Variants in CACNB2 observed in about 807,000 individuals in gnomAD.
The protein encoded by CACNB2 is voltage-dependent L-type calcium channel subunit beta-2.
Under a neutral mutation model 73.3 loss-of-function variants are expected in CACNB2, and 42 were observed. That is an observed-to-expected ratio of 0.57 (90% CI 0.45 to 0.74). The LOEUF (loss-of-function observed/expected upper bound fraction) is 0.74, where lower values mean the gene tolerates loss of function less well. CACNB2 is among the 30% of genes least tolerant of loss of function. The pLI is 0.00. For synonymous variants in CACNB2, 348 were observed against 310.3 expected, an observed-to-expected ratio of 1.12 and a Z score of -1.28; for missense variants, 940 against 853.0, an observed-to-expected ratio of 1.10 and a Z score of -1.27.
At chr10:18,172,711 T>G (rs2033328045) in intron 2 of CACNB2, among the ~76,000 whole-genome samples, 1 of 152,092 alleles carries the variant, frequency 6.6e-6, no homozygotes, top group African/African-American at 2.4e-5. Flanking sequence ...TTACTTTATT[T>G]TCAGTGGATG....
chr10:18,378,715 C>T (rs1255722167), intron 2 of CACNB2, among the ~76,000 whole-genome samples: 3 of 152,136 alleles, frequency 2.0e-5, no homozygotes, highest in Admixed American at 6.6e-5. Context: ...GGCACCACTG[C>T]ACTCCAGTCT....
intron 2 of CACNB2, chr10:18,234,290 G>A (rs889561121): frequency 6.6e-6 from 1 of 152,188 alleles, no homozygotes; most frequent in African/African-American, 2.4e-5. Context: ...AGCAGTTTTG[G>A]TAGGAATGGA....
At chr10:18,283,721 T>C (rs931716665) in intron 2 of CACNB2, among the ~76,000 whole-genome samples, 1 of 151,188 alleles carries the variant, frequency 6.6e-6, no homozygotes, top group African/African-American at 2.4e-5. Context: ...CTAATGTAAA[T>C]GACGAGTTAA....
chr10:18,437,814 C>G lies in CACNB2; in HGVS notation c.333+35771C>G, dbSNP rs572517036. ...ATTTGGGCATATATAGCAGTTGCCT[C>G]AAAACTTCGAAGTCATAGAAAATTA... On this transcript the variant is annotated intron_variant, in intron 3 of 13. Transcript: ENST00000324631. 2.0e-5 allele frequency among the ~76,000 whole-genome samples: 3 copies of G among 152,088 alleles called. No individual in the cohort carries two copies. In the South Asian group the frequency reaches 6.2e-4, roughly 32 times the overall value.
At chr10:18,372,633 C>A (rs1480549443) in intron 2 of CACNB2, among the ~76,000 whole-genome samples, 1 of 152,214 alleles carries the variant, frequency 6.6e-6, no homozygotes, top group Non-Finnish European at 1.5e-5. Context: ...CCTTGAACTT[C>A]TGACCTCAGG....
At chr10:18,537,105 G>A (rs953199984) in intron 12 of CACNB2, among the ~76,000 whole-genome samples, 13 of 151,792 alleles carry the variant, frequency 8.6e-5, no homozygotes, top group Admixed American at 7.2e-4. Context: ...CTCCCACCTC[G>A]GCCCTCCAAG....
intron 2 of CACNB2, among the ~76,000 whole-genome samples, chr10:18,287,361 G>A (rs1249086943): frequency 6.6e-6 from 1 of 151,992 alleles, no homozygotes; most frequent in African/African-American, 2.4e-5. Flanking sequence ...TATAAATTCT[G>A]ACATTTTTCC....
chr10:18,344,122 A>G (rs1312910532), intron 2 of CACNB2, among the ~76,000 whole-genome samples: 1 of 151,750 alleles, frequency 6.6e-6, no homozygotes, highest in Non-Finnish European at 1.5e-5. Flanking sequence ...GTATGTTATA[A>G]GACAAATAAT....
chr10:18,485,229 T>C (rs1039932827), intron 3 of CACNB2, among the ~76,000 whole-genome samples: 1 of 152,228 alleles, frequency 6.6e-6, no homozygotes, highest in Non-Finnish European at 1.5e-5. Flanking sequence ...GTTTCCTTCC[T>C]TAATGGAAGG....
At position 18,541,059 on chromosome 10, in the gene CACNB2, C is replaced by T. The variant is rs2054044839; in HGVS notation, c.*1335C>T. On this transcript the variant is annotated 3_prime_UTR_variant, in exon 14 of 14. Coordinates refer to ENST00000324631, the MANE Select transcript of CACNB2 (RefSeq NM_201596.3). ...TATTTGTTTTAGTAAGAAATGTTTA[C>T]ACAGCTTGTGGAATTATTTCGTGGG... 8.1e-6 allele frequency: 1 copy of T among 123,548 alleles called. No individual in the cohort carries two copies. The highest frequency in any genetic ancestry group is 2.9e-5 in the African/African-American group (1 of 34,122). The allele number at this position is 123,548 out of a possible 1,614,324, so 7.7% of individuals were successfully genotyped here.
At chr10:18,217,191 A>C (rs913996392) in intron 2 of CACNB2, among the ~76,000 whole-genome samples, 1 of 152,140 alleles carries the variant, frequency 6.6e-6, no homozygotes, top group Non-Finnish European at 1.5e-5. Flanking sequence ...AACAAATACT[A>C]TAAATAAGTC....
intron 2 of CACNB2, among the ~76,000 whole-genome samples, chr10:18,333,489 G>C (rs375807951): frequency 6.7e-6 from 1 of 149,832 alleles, no homozygotes; most frequent in African/African-American, 2.4e-5. Flanking sequence ...TATGTTGAAA[G>C]AAAATTCTAT....
intron 10 of CACNB2, among the ~76,000 whole-genome samples, chr10:18,532,159 T>C (rs1165159227): frequency 1.3e-5 from 2 of 152,208 alleles, no homozygotes; most frequent in Non-Finnish European, 2.9e-5. Flanking sequence ...ATTCTTAAGG[T>C]TGTATCTACT....
intron 2 of CACNB2, among the ~76,000 whole-genome samples, chr10:18,392,598 C>G (rs990473936): frequency 6.6e-6 from 1 of 152,090 alleles, no homozygotes; most frequent in African/African-American, 2.4e-5. Flanking sequence ...AAAATGGAGT[C>G]AAGGAAAGGT....
chr10:18,508,769 C>A (rs2050618433), intron 6 of CACNB2, among the ~76,000 whole-genome samples: 1 of 152,120 alleles, frequency 6.6e-6, no homozygotes, highest in Non-Finnish European at 1.5e-5. Context: ...GTCAAACCAT[C>A]GTAAAGTTCA....
intron 2 of CACNB2, chr10:18,401,208 A>G: frequency 7.6e-7 from 1 of 1,319,454 alleles, no homozygotes; most frequent in Non-Finnish European, 1.1e-6. Context: ...TAATCGGATC[A>G]TGATTGCAGG....
chr10:18,312,821 A>T (rs547893805), intron 2 of CACNB2, among the ~76,000 whole-genome samples: 2 of 152,314 alleles, frequency 1.3e-5, no homozygotes, highest in South Asian at 4.1e-4. Flanking sequence ...GGGCGGGGGC[A>T]TTCAAATGGC....
intron 3 of CACNB2, among the ~76,000 whole-genome samples, chr10:18,416,565 C>T (rs1348597999): frequency 4.6e-5 from 7 of 152,272 alleles, no homozygotes; most frequent in Middle Eastern, 3.4e-3. Flanking sequence ...TACAGGTGTG[C>T]GCCATCATGG....
intron 2 of CACNB2, among the ~76,000 whole-genome samples, chr10:18,326,815 C>T (rs1489329351): frequency 2.6e-5 from 4 of 152,158 alleles, no homozygotes; most frequent in Admixed American, 6.5e-5. Context: ...CAGACTTGAC[C>T]TTCTGGGCTC....
Sources: allele counts gnomAD v4.1 joint callset (sites outside exome capture counted in the v4.1 genomes callset), GRCh38; gene constraint gnomAD v4.1.1; transcripts MANE v1.5; gene names NCBI Gene and HGNC (gene_info 2026-07-23, HGNC 2026-07-21).